Variants in PCDHGB6 observed in about 807,000 individuals in gnomAD.
The protein encoded by PCDHGB6 is protocadherin gamma-B6.
A neutral mutation model predicts 59.1 loss-of-function variants in PCDHGB6; 51 were observed. The ratio of observed to expected loss-of-function variants is 0.86; its 90% CI spans 0.69 to 1.09. The LOEUF is 1.09. Ranked by LOEUF, PCDHGB6 falls within the 50% of genes least tolerant of loss-of-function variation. The probability of loss-of-function intolerance (pLI) is 0.00; values close to 1 mark genes in which losing one functional copy is unlikely to be tolerated. For missense variants in PCDHGB6, 1,148 were observed against 1,205.1 expected (o/e 0.95, Z 0.70); for synonymous variants, 466 against 495.1 (o/e 0.94, Z 0.78).
chr5:141,419,206 G>T, intron 1 of PCDHGB6: 1 of 1,613,876 alleles, frequency 6.2e-7, no homozygotes, highest in Non-Finnish European at 8.5e-7. Flanking sequence ...ATGACAACGC[G>T]CCGGTTTTCG....
At chr5:141,413,215 T>C in intron 1 of PCDHGB6, 1 of 1,613,350 alleles carries the variant, frequency 6.2e-7, no homozygotes, top group Non-Finnish European at 8.5e-7. Context: ...ATCAAAGGAT[T>C]GCAGCGGGCT....
chr5:141,427,899 G>A, intron 1 of PCDHGB6: 1 of 1,571,372 alleles, frequency 6.4e-7, no homozygotes, highest in Non-Finnish European at 8.7e-7. Flanking sequence ...GGGCTCGCCC[G>A]CGCTCAGCGC....
intron 1 of PCDHGB6, among the ~76,000 whole-genome samples, chr5:141,447,123 T>TTTTG (rs1327676720): frequency 6.6e-6 from 1 of 152,160 alleles, no homozygotes; most frequent in Admixed American, 6.6e-5. Context: ...CCATGGATTT[T>TTTTG]TTTGTTTGTT....
At chr5:141,457,555 C>A (rs1425159883) in intron 1 of PCDHGB6, among the ~76,000 whole-genome samples, 2 of 152,168 alleles carry the variant, frequency 1.3e-5, no homozygotes. Context: ...GTATGATAAG[C>A]TTTGGAGCAA....
rs759737266 is a variant in PCDHGB6 at position 141,489,464 on chromosome 5, T to A, written c.2419-5343T>A. 5 of 1,614,030 alleles carry A rather than the reference T, an allele frequency of 3.1e-6. No homozygotes were observed. In the South Asian group the frequency reaches 3.3e-5, roughly 11 times the overall value. On this transcript the variant is annotated intron_variant, in intron 1 of 3. Transcript: ENST00000520790. The surrounding 1 kb of genome is among the most constrained non-coding windows in gnomAD (Gnocchi z 4.5). ...GGCTCTGAGGAGAATGGGCGCTATT[T>A]TTCCCTGAGCTTGATGAGTGGTGCC...
At chr5:141,420,412 T>G in intron 1 of PCDHGB6, 1 of 1,225,004 alleles carries the variant, frequency 8.2e-7, no homozygotes, top group African/African-American at 1.6e-5. Flanking sequence ...TGGTTATCAT[T>G]ATTAAAACAA....
At chr5:141,413,177 T>G (rs2095610843) in intron 1 of PCDHGB6, 4 of 1,602,350 alleles carry the variant, frequency 2.5e-6, no homozygotes, top group Non-Finnish European at 3.4e-6. Flanking sequence ...CAGACTACAA[T>G]GGCCGCTCAA....
chr5:141,418,862 G>C (rs749632113), intron 1 of PCDHGB6: 1 of 1,613,994 alleles, frequency 6.2e-7, no homozygotes, highest in Non-Finnish European at 8.5e-7. Context: ...TAAAGTAATT[G>C]TAGAAGTTGT....
chr5:141,507,196 CCAGAT>C (rs2099859095), intron 3 of PCDHGB6: 1 of 152,374 alleles, frequency 6.6e-6, no homozygotes, highest in Non-Finnish European at 1.5e-5. Context: ...CTTTATTCTT[CCAGAT>C]CAGGGTTGCC....
intron 1 of PCDHGB6, among the ~76,000 whole-genome samples, chr5:141,444,503 T>C (rs2098438734): frequency 6.6e-6 from 1 of 152,088 alleles, no homozygotes; most frequent in Non-Finnish European, 1.5e-5. Flanking sequence ...AATACTTTGC[T>C]CTAGCAGTAT....
At chr5:141,421,222 C>T in intron 1 of PCDHGB6, 1 of 1,576,946 alleles carries the variant, frequency 6.3e-7, no homozygotes, top group Non-Finnish European at 8.6e-7. Flanking sequence ...CGGCTTAGAG[C>T]CTGCCATGGC....
chr5:141,448,190 C>T (rs1426828578), intron 1 of PCDHGB6, among the ~76,000 whole-genome samples: 1 of 152,118 alleles, frequency 6.6e-6, no homozygotes, highest in Non-Finnish European at 1.5e-5. Flanking sequence ...GTTATGTACA[C>T]TTACAAACAT....
rs1554116817 is a variant in PCDHGB6 at position 141,423,755 on chromosome 5, G to GGC, written c.2418+13136_2418+13137insCG. 3 of 512,420 alleles carry GGC rather than the reference G, an allele frequency of 5.9e-6. No individual in the cohort carries two copies. The African/African-American group carries it at 8.1e-5, about 14-fold the overall frequency. 31.7% of individuals were successfully genotyped at this position (512,420 alleles called of 1,614,324 possible). A position where few individuals can be genotyped will look rare whatever the true frequency, so the allele number is the denominator to read the frequency against. On this transcript the variant is annotated intron_variant, in intron 1 of 3. Coordinates refer to ENST00000520790, the MANE Select transcript of PCDHGB6 (RefSeq NM_018926.3). ...AGCCTGTTATGAAAACTGTTTGGGGGGGGGGTGGGGCGGCATATATTTAGT... is the reference window on the plus strand; with the variant it reads ...AGCCTGTTATGAAAACTGTTTGGGGGGCGGGGGTGGGGCGGCATATATTTAGT...
Position 141,431,041 on chromosome 5 carries a change from G to C in PCDHGB6, c.2418+20421G>C, listed in dbSNP as rs2097339173. On this transcript the variant is annotated intron_variant, in intron 1 of 3. Coordinates refer to ENST00000520790, the MANE Select transcript of PCDHGB6 (RefSeq NM_018926.3). The surrounding 1 kb of genome is among the most constrained non-coding windows in gnomAD (Gnocchi z 4.8). ...CGGCGGGCAGGATAGACCGGGAGGA[G>C]CTCTGTATGGGGGCCATCAAGTGTC... The C allele has an allele frequency of 6.2e-7, 1 of 1,614,116 alleles. No homozygotes were observed. Among genetic ancestry groups the C allele is most frequent in the Non-Finnish European group, 8.5e-7 (1 of 1,180,046 alleles).
intron 1 of PCDHGB6, among the ~76,000 whole-genome samples, chr5:141,472,815 C>T (rs1562036829): frequency 1.3e-5 from 2 of 151,596 alleles, no homozygotes; most frequent in East Asian, 1.9e-4. Flanking sequence ...GAGAAACCCC[C>T]GTCTCTACTA....
chr5:141,485,930 G>A lies in PCDHGB6; in HGVS notation c.2419-8877G>A. ...ATCCAGCTACAGGATTAGTGTGTTG[G>A]AGAGCGCACCAGCGGGCATGGTGCT... On this transcript the variant is annotated intron_variant, in intron 1 of 3. Transcript: ENST00000520790. This position sits in a 1 kb window ranked among gnomAD's most constrained non-coding sequence, Gnocchi z 5.7. The A allele has an allele frequency of 6.2e-7, 1 of 1,614,178 alleles. No homozygotes were observed. Among genetic ancestry groups the A allele is most frequent in the Non-Finnish European group, 8.5e-7 (1 of 1,180,042 alleles).
chr5:141,502,242 CT>C (rs989546500), intron 2 of PCDHGB6, among the ~76,000 whole-genome samples: 27 of 151,950 alleles, frequency 1.8e-4, no homozygotes, highest in African/African-American at 6.3e-4. Context: ...TTCTTTTATC[CT>C]TTTTTTTAAT....
At chr5:141,451,091 G>A (rs2098706622) in intron 1 of PCDHGB6, among the ~76,000 whole-genome samples, 1 of 151,962 alleles carries the variant, frequency 6.6e-6, no homozygotes, top group South Asian at 2.1e-4. Context: ...ACCTCCCAAA[G>A]TGTTGGGATT....
chr5:141,476,357 C>G lies in PCDHGB6; in HGVS notation c.2419-18450C>G. On this transcript the variant is annotated intron_variant, in intron 1 of 3. Transcript: ENST00000520790. The surrounding 1 kb of genome is among the most constrained non-coding windows in gnomAD (Gnocchi z 7.6). ...TAGCCGAAGATTCTTTGAGGTGAAC[C>G]GGGAGACCGGAGAGATGTTTGTGAA... The G allele has an allele frequency of 6.2e-7, 1 of 1,614,052 alleles. No individual in the cohort carries two copies. Among genetic ancestry groups the G allele is most frequent in the South Asian group, 1.1e-5 (1 of 91,078 alleles).
Sources: allele counts gnomAD v4.1 joint callset (sites outside exome capture counted in the v4.1 genomes callset), GRCh38; gene constraint gnomAD v4.1.1; non-coding constraint Gnocchi (gnomAD v3.1); transcripts MANE v1.5; gene names NCBI Gene and HGNC (gene_info 2026-07-23, HGNC 2026-07-21).